MTMR8: variants seen among roughly 807,000 people sequenced by gnomAD.
The protein encoded by MTMR8 is myotubularin related protein 8.
In MTMR8, 65 loss-of-function variants were observed where a neutral mutation model predicts 39.3. The observed-to-expected ratio is 1.65, with a 90% CI of 1.35 to 2.03. The LOEUF (loss-of-function observed/expected upper bound fraction) is 2.03, where lower values mean the gene tolerates loss of function less well. Among genes scored for constraint, MTMR8 ranks in the 30% most tolerant of loss-of-function variants. MTMR8 has a pLI of 0.00. For synonymous variants in MTMR8, 245 were observed against 185.2 expected (o/e 1.32, Z -2.62); for missense variants, 777 against 538.9 (o/e 1.44, Z -4.37).
chrX:64,370,734 G>A (rs1924108216), intron 1 of MTMR8, among the ~76,000 whole-genome samples: 1 of 112,059 alleles, frequency 8.9e-6, no homozygotes, highest in Admixed American at 9.5e-5. Flanking sequence ...GTAGGTTTGT[G>A]TAAGTACACT....
At chrX:64,356,862 C>T (rs1569227426) in intron 2 of MTMR8, among the ~76,000 whole-genome samples, 1 of 110,900 alleles carries the variant, frequency 9.0e-6, no homozygotes, top group East Asian at 2.8e-4. Context: ...GTGAATTCCT[C>T]ATCAGATATC....
At chrX:64,304,739 C>A (rs1922021661) in intron 12 of MTMR8, among the ~76,000 whole-genome samples, 1 of 104,457 alleles carries the variant, frequency 9.6e-6, no homozygotes, top group Admixed American at 1.1e-4. Flanking sequence ...CTCACTCATA[C>A]CCATTCACCA....
At chrX:64,284,655 G>A (rs1012989295) in intron 12 of MTMR8, among the ~76,000 whole-genome samples, 1 of 111,849 alleles carries the variant, frequency 8.9e-6, no homozygotes, top group Non-Finnish European at 1.9e-5. Flanking sequence ...CCAGAAGAGA[G>A]TGGGGGCCAA....
intron 12 of MTMR8, among the ~76,000 whole-genome samples, chrX:64,288,371 C>G (rs373040736): frequency 1.1e-4 from 12 of 111,154 alleles, no homozygotes; most frequent in South Asian, 3.8e-4. Flanking sequence ...GGAAACAACA[C>G]GTGCTGGAGA....
At chrX:64,363,112 A>G (rs1451058215) in intron 1 of MTMR8, among the ~76,000 whole-genome samples, 5 of 111,908 alleles carry the variant, frequency 4.5e-5, no homozygotes, top group Non-Finnish European at 9.4e-5. Context: ...AGGAATCCTC[A>G]TCCACTACAA....
intron 1 of MTMR8, among the ~76,000 whole-genome samples, chrX:64,392,958 A>T (rs898369540): frequency 1.8e-5 from 2 of 111,708 alleles, no homozygotes; most frequent in Non-Finnish European, 3.8e-5. Context: ...ACTGAGAAAA[A>T]AACAGACTCA....
At chrX:64,276,647 G>A (rs954389441) in intron 12 of MTMR8, among the ~76,000 whole-genome samples, 1 of 111,707 alleles carries the variant, frequency 9.0e-6, no homozygotes, top group African/African-American at 3.3e-5. Flanking sequence ...CTGAGACACT[G>A]TTTGTTATGA....
rs182831409 is a variant in MTMR8 at position 64,331,595 on chromosome X, G to A, written c.1314C>T (p.Asn438=). The A allele has an allele frequency of 4.1e-6, 5 of 1,208,819 alleles. No homozygotes were observed. In the Admixed American group the frequency reaches 1.1e-4, roughly 26 times the overall value. The change falls in exon 11 of 14, where the codon AAC becomes AAT. Residue 438 remains asparagine, a synonymous_variant. Transcript: ENST00000374852. ...GATCCTTCTGGCAGTTACCAAGGAA[G>A]TTTCCAAACTGGCAGGAGAAAACAT... ...HDHVFSCQFG[N]FLGNCQKDRE... is the part of the protein sequence containing the mutation.
chrX:64,375,831 C>T (rs888317469), intron 1 of MTMR8, among the ~76,000 whole-genome samples: 2 of 111,766 alleles, frequency 1.8e-5, no homozygotes, highest in Admixed American at 1.9e-4. Flanking sequence ...CTCTGTGTCC[C>T]CACCCAAATC....
Position 64,271,074 on chromosome X carries a change from C to A in MTMR8, c.1482-1G>T. 8.4e-7 allele frequency: 1 copy of A among 1,183,864 alleles called. No individual in the cohort carries two copies. The highest frequency in any genetic ancestry group is 2.4e-5 in the Admixed American group (1 of 40,975). Reference sequence around the variant, plus strand: ...GCGGTTATACATCCCACACCAGAACCTCAAATAGACAAAAATGGGGGGAAA... The same window carrying A: ...GCGGTTATACATCCCACACCAGAACATCAAATAGACAAAAATGGGGGGAAA... On this transcript the variant is annotated splice_acceptor_variant, in intron 12 of 13. Transcript: ENST00000374852. LOFTEE classifies it high-confidence loss of function.
chrX:64,346,908 A>G (rs1214648365), intron 6 of MTMR8, among the ~76,000 whole-genome samples: 1 of 111,366 alleles, frequency 9.0e-6, no homozygotes, highest in East Asian at 2.8e-4. Context: ...GTAATGTAAT[A>G]TTTATTGAGC....
intron 8 of MTMR8, among the ~76,000 whole-genome samples, chrX:64,338,638 T>C (rs750920215): frequency 9.0e-6 from 1 of 111,477 alleles, no homozygotes; most frequent in African/African-American, 3.3e-5. Flanking sequence ...AGCAGAGGAG[T>C]GCCATGATCA....
intron 12 of MTMR8, among the ~76,000 whole-genome samples, chrX:64,320,576 C>G (rs1368422585): frequency 9.1e-6 from 1 of 109,382 alleles, no homozygotes; most frequent in Admixed American, 1.0e-4. Flanking sequence ...GGCAAATGTA[C>G]TAGCCACAGC....
intron 12 of MTMR8, among the ~76,000 whole-genome samples, chrX:64,293,582 C>G (rs985427743): frequency 3.6e-5 from 4 of 111,477 alleles, no homozygotes; most frequent in African/African-American, 1.3e-4. Flanking sequence ...CCTCCAGTGG[C>G]AGGGACCCAC....
chrX:64,338,459 G>A (rs1923131861), intron 8 of MTMR8, among the ~76,000 whole-genome samples: 1 of 112,376 alleles, frequency 8.9e-6, no homozygotes, highest in Non-Finnish European at 1.9e-5. Context: ...CCAGGCTGGG[G>A]AATGATGTAA....
At chrX:64,309,186 T>G (rs1602123162) in intron 12 of MTMR8, among the ~76,000 whole-genome samples, 1 of 112,211 alleles carries the variant, frequency 8.9e-6, no homozygotes, top group African/African-American at 3.2e-5. Flanking sequence ...ATTGGATCTA[T>G]AAAGTTGGGA....
intron 1 of MTMR8, 101 bp downstream of exon 1, chrX:64,395,239 G>A (rs920778877): frequency 2.2e-5 from 20 of 924,772 alleles, no homozygotes; most frequent in Admixed American, 4.5e-5. Context: ...GGAAAGACGC[G>A]TCAAAGAAGG....
intron 12 of MTMR8, among the ~76,000 whole-genome samples, chrX:64,278,742 G>T (rs1349693216): frequency 3.6e-5 from 4 of 110,672 alleles, no homozygotes; most frequent in African/African-American, 6.6e-5. Context: ...AAAGTACTGG[G>T]ATTACAGGCA....
intron 12 of MTMR8, among the ~76,000 whole-genome samples, chrX:64,321,739 C>T (rs1361644497): frequency 8.9e-6 from 1 of 112,102 alleles, no homozygotes; most frequent in Non-Finnish European, 1.9e-5. Context: ...GCTCAATAAA[C>T]TCCAAGTAGG....
Sources: allele counts gnomAD v4.1 joint callset (sites outside exome capture counted in the v4.1 genomes callset), GRCh38; gene constraint gnomAD v4.1.1; transcripts MANE v1.5; gene names NCBI Gene and HGNC (gene_info 2026-07-23, HGNC 2026-07-21).